The following DNAJC25 variants were observed in gnomAD, a reference collection of about 807,000 sequenced individuals.
The protein encoded by DNAJC25 is DnaJ heat shock protein family (Hsp40) member C25, also known as dnaJ homolog subfamily C member 25.
DNAJC25 carries 26 observed loss-of-function variants against 42.1 expected under a neutral mutation model. The observed-to-expected ratio is 0.62, with a 90% CI of 0.45 to 0.86. DNAJC25 has a LOEUF of 0.86. DNAJC25 is among the 40% of genes least tolerant of loss of function. The pLI, the probability that DNAJC25 is intolerant of heterozygous loss-of-function variation, is 0.00. For synonymous variants in DNAJC25, 189 were observed against 179.9 expected, an observed-to-expected ratio of 1.05 and a Z score of -0.40; for missense variants, 404 against 459.4, an observed-to-expected ratio of 0.88 and a Z score of 1.10.
At chr9:111,632,715 TTTTC>T (rs1830304209) in intron 1 of DNAJC25, among the ~76,000 whole-genome samples, 1 of 151,754 alleles carries the variant, frequency 6.6e-6, no homozygotes, top group Non-Finnish European at 1.5e-5. Flanking sequence ...CGAGGCAAAA[TTTTC>T]TATGTTGCCA....
intron 1 of DNAJC25, among the ~76,000 whole-genome samples, chr9:111,641,144 C>A (rs1441722733): frequency 6.1e-5 from 6 of 98,168 alleles, no homozygotes; most frequent in Admixed American, 2.0e-4. Context: ...TCAGCCCCCC[C>A]ACCCGGCCAG....
chr9:111,634,539 G>A (rs144573637), intron 1 of DNAJC25, among the ~76,000 whole-genome samples: 47 of 152,336 alleles, frequency 3.1e-4, no homozygotes, highest in African/African-American at 1.1e-3. Flanking sequence ...CTAAGAGCAG[G>A]TCAGATAGAA....
intron 2 of DNAJC25, 139 bp from the exon 3 acceptor site, chr9:111,649,314 A>C (rs962493846): frequency 7.1e-7 from 1 of 1,400,314 alleles, no homozygotes; most frequent in Non-Finnish European, 9.3e-7. Context: ...TTTTACTTAC[A>C]AAGTAAGATC....
intron 1 of DNAJC25, among the ~76,000 whole-genome samples, chr9:111,643,490 A>ATG (rs1830515065): frequency 6.6e-6 from 1 of 152,236 alleles, no homozygotes; most frequent in Admixed American, 6.5e-5. Flanking sequence ...ATTCTAAAGG[A>ATG]TTAATAGGAC....
intron 2 of DNAJC25, among the ~76,000 whole-genome samples, chr9:111,649,154 A>C (rs867136332): frequency 6.6e-6 from 1 of 152,222 alleles, no homozygotes; most frequent in Admixed American, 6.5e-5. Context: ...CAAATGGTAA[A>C]GATACGAACC....
In DNAJC25 at chr9:111,631,714, C is replaced by T; in HGVS notation, c.307C>T (p.Leu103=). The stretch of plus-strand genomic sequence containing the variant: ...GCAGAGCGCCGAGGAGGCTTTCCTG[C>T]TGGTGGCAACCGCCTACGAGACACT... ...TPQSAEEAFL[L]VATAYETLKD... The change falls in exon 1 of 4, where the codon CTG becomes TTG. Residue 103 remains leucine (L), a synonymous_variant. Transcript: ENST00000313525. 3.9e-6 allele frequency: 6 copies of T among 1,522,012 alleles called. No individual in the cohort carries two copies. The highest frequency in any genetic ancestry group is 1.4e-5 in the African/African-American group (1 of 70,592). 94.3% of individuals were successfully genotyped at this position (1,522,012 alleles called of 1,614,324 possible). A position where few individuals can be genotyped will look rare whatever the true frequency, so the allele number is the denominator to read the frequency against.
chr9:111,650,044 T>A, intron 3 of DNAJC25, 121 bp downstream of exon 3: 1 of 909,792 alleles, frequency 1.1e-6, no homozygotes, highest in Non-Finnish European at 1.5e-6. Context: ...GTTAAACAAT[T>A]AGTAAAGACC....
Position 111,649,646 on chromosome 9 carries a change from G to A in DNAJC25, c.683G>A (p.Ser228Asn). ...EENIIKNIIK[S>N]KIDIKGGYQK... ...AACATCATAAAGAACATTATAAAAA[G>A]TAAAATAGATATAAAGGGGGGCTAT... The change falls in exon 3 of 4, where the codon AGT (serine) becomes AAT (asparagine). Residue 228 changes from serine to asparagine, a missense_variant. Ser to Asn is a conservative substitution (Grantham distance 46). Coordinates refer to ENST00000313525, the MANE Select transcript of DNAJC25 (RefSeq NM_001015882.3). 3 of 1,613,768 alleles carry A rather than the reference G, an allele frequency of 1.9e-6. No homozygotes were observed. The highest frequency in any genetic ancestry group is 1.7e-4 in the Middle Eastern group (1 of 6,054).
intron 2 of DNAJC25, among the ~76,000 whole-genome samples, chr9:111,647,941 G>T (rs1589347479): frequency 6.6e-6 from 1 of 152,104 alleles, no homozygotes; most frequent in African/African-American, 2.4e-5. Context: ...ACCACACCCG[G>T]CTAGTGTTTT....
Position 111,631,357 on chromosome 9 carries a change from G to C in DNAJC25, c.-51G>C, listed in dbSNP as rs1156408177. 3 of 1,256,608 alleles carry C rather than the reference G, an allele frequency of 2.4e-6. No homozygotes were observed. Among genetic ancestry groups the C allele is most frequent in the South Asian group, 6.7e-5 (2 of 29,846 alleles). 77.8% of individuals were successfully genotyped at this position (1,256,608 alleles called of 1,614,324 possible). On this transcript the variant is annotated 5_prime_UTR_variant, in exon 1 of 4. Coordinates refer to ENST00000313525, the MANE Select transcript of DNAJC25 (RefSeq NM_001015882.3). ...CCAGACGGGACTAGCCGGGCGCGCG[G>C]CTGAGTGCTGCAGAATCGCTGGGGT...
chr9:111,652,717 A>AT (rs966907925), intron 3 of DNAJC25, among the ~76,000 whole-genome samples: 15 of 149,548 alleles, frequency 1.0e-4, no homozygotes, highest in African/African-American at 2.2e-4. Flanking sequence ...AATTTTTTCT[A>AT]TTTTTTTTAG....
chr9:111,649,225 T>C (rs1197287219), intron 2 of DNAJC25, among the ~76,000 whole-genome samples: 1 of 152,182 alleles, frequency 6.6e-6, no homozygotes, highest in Non-Finnish European at 1.5e-5. Flanking sequence ...GCAGCAGTGA[T>C]TTTTGGCTCA....
At chr9:111,632,786 TC>T (rs1364762753) in intron 1 of DNAJC25, among the ~76,000 whole-genome samples, 1 of 152,098 alleles carries the variant, frequency 6.6e-6, no homozygotes, top group Non-Finnish European at 1.5e-5. Context: ...CTTGGATTGT[TC>T]CTCCAGATTG....
At position 111,642,879 on chromosome 9, in the gene DNAJC25, G is replaced by T. The variant is rs866921575; in HGVS notation, c.337-4228G>T. On this transcript the variant is annotated intron_variant, in intron 1 of 3. Transcript: ENST00000313525. ...CAGTCCTCCTGCATATGCCCAAGAG[G>T]ATTGGGAGTGGAATGGACACCAGCA... 8.5e-6 allele frequency: 4 copies of T among 471,122 alleles called. No homozygotes were observed. The Middle Eastern group carries it at 9.7e-4, about 115-fold the overall frequency. 29.2% of individuals were successfully genotyped at this position (471,122 alleles called of 1,614,324 possible).
chr9:111,640,047 C>T (rs1405349430), intron 1 of DNAJC25, among the ~76,000 whole-genome samples: 1 of 151,648 alleles, frequency 6.6e-6, no homozygotes, highest in South Asian at 2.1e-4. Flanking sequence ...CCTGATTCTC[C>T]TGCCTCAGTC....
intron 1 of DNAJC25, among the ~76,000 whole-genome samples, chr9:111,645,472 C>T (rs1830555542): frequency 6.6e-6 from 1 of 152,174 alleles, no homozygotes; most frequent in African/African-American, 2.4e-5. Context: ...CCAGGCTGGT[C>T]TCGAACTCCT....
chr9:111,642,019 C>T (rs1237469788), intron 1 of DNAJC25, among the ~76,000 whole-genome samples: 65 of 116,666 alleles, frequency 5.6e-4, no homozygotes, highest in African/African-American at 2.1e-3. Context: ...CCAGCCGCCC[C>T]GTCCGGGAGG....
At chr9:111,644,010 C>G (rs1830528030) in intron 1 of DNAJC25, among the ~76,000 whole-genome samples, 1 of 152,200 alleles carries the variant, frequency 6.6e-6, no homozygotes, top group African/African-American at 2.4e-5. Flanking sequence ...CCTCACTGAT[C>G]ATCATCAGTA....
At position 111,653,189 on chromosome 9, in the gene DNAJC25, A is replaced by C. The variant is rs199709163; in HGVS notation, c.1050A>C (p.Glu350Asp). The change falls in exon 4 of 4, where the codon GAA becomes GAC. Residue 350 changes from glutamate (E) to aspartate (D), a missense_variant. Coordinates refer to ENST00000313525, the MANE Select transcript of DNAJC25 (RefSeq NM_001015882.3). ...GATACAGGAGATGGATGAAGAATGA[A>C]GGGCCTGGGCGGTTAACATTTGTGG... The part of the protein sequence containing the change: ...WKRYRRWMKN[E>D]GPGRLTFVDD 1.8e-5 allele frequency: 28 copies of C among 1,599,958 alleles called. No homozygotes were observed. Among genetic ancestry groups the C allele is most frequent in the Non-Finnish European group, 2.2e-5 (26 of 1,171,976 alleles).
Sources: gnomAD v4.1 joint callset for allele counts (sites outside exome capture counted in the v4.1 genomes callset) on GRCh38, gnomAD v4.1.1 for gene constraint, MANE v1.5 for transcripts, NCBI Gene and HGNC (gene_info 2026-07-23, HGNC 2026-07-21) for gene names.